Variants in PDZRN4 observed in about 807,000 individuals in gnomAD.
PDZRN4 encodes the protein PDZ domain containing ring finger 4, also known as PDZ domain-containing RING finger protein 4.
A neutral mutation model predicts 99.0 loss-of-function variants in PDZRN4; 70 were observed. The observed-to-expected ratio is 0.71, with a 90% CI of 0.58 to 0.86. The LOEUF is 0.86. Ranked by LOEUF, PDZRN4 falls within the 40% of genes least tolerant of loss-of-function variation. The pLI, the probability that PDZRN4 is intolerant of heterozygous loss-of-function variation, is 0.00. For missense variants in PDZRN4, 1,474 were observed against 1,331.2 expected (o/e 1.11, Z -1.67); for synonymous variants, 551 against 501.6 (o/e 1.10, Z -1.32).
At chr12:41,556,912 G>A (rs1268321463) in intron 7 of PDZRN4, among the ~76,000 whole-genome samples, 1 of 152,110 alleles carries the variant, frequency 6.6e-6, no homozygotes, top group African/African-American at 2.4e-5. Flanking sequence ...CACTTTGGAA[G>A]GCCGAGGCAG....
chr12:41,341,309 C>T (rs981387156), intron 3 of PDZRN4, among the ~76,000 whole-genome samples: 2 of 151,772 alleles, frequency 1.3e-5, no homozygotes, highest in Non-Finnish European at 2.9e-5. Flanking sequence ...ACAAAGGTGC[C>T]TACTTTTACC....
chr12:41,367,310 G>A (rs141808125), intron 3 of PDZRN4, among the ~76,000 whole-genome samples: 89 of 152,162 alleles, frequency 5.8e-4, no homozygotes, highest in African/African-American at 2.1e-3. Flanking sequence ...AGGATTTTGA[G>A]ATCAGCCTGA....
rs533033257 is a variant in PDZRN4, at chr12:41,254,026, T to C, written c.843+59838T>C. 1.5e-3 allele frequency among the ~76,000 whole-genome samples: 58 copies of C among 37,662 alleles called. 1 individual carries two copies. In the East Asian group the frequency reaches 0.028, roughly 18 times the overall value. The allele number at this position is 37,662 out of a possible 152,430, so 24.7% of individuals were successfully genotyped here. On this transcript the variant is annotated intron_variant, in intron 3 of 9. Transcript: ENST00000402685. ...AGATAAAAGGAAATATATATATATATGTGTGTGCGTGTGTGTGTGTGTGTG... is the reference window on the plus strand; with the variant it reads ...AGATAAAAGGAAATATATATATATACGTGTGTGCGTGTGTGTGTGTGTGTG...
At chr12:41,297,580 G>A (rs997151792) in intron 3 of PDZRN4, among the ~76,000 whole-genome samples, 16 of 152,240 alleles carry the variant, frequency 1.1e-4, no homozygotes, top group African/African-American at 3.9e-4. Context: ...GTGCTGGCTG[G>A]CCTAAAAGGT....
intron 3 of PDZRN4, chr12:41,460,015 T>G: frequency 7.8e-7 from 1 of 1,288,496 alleles, no homozygotes; most frequent in Non-Finnish European, 1.0e-6. Context: ...CCCAACCTGA[T>G]GGAGAGTATG....
At chr12:41,535,338 T>C (rs566802617) in intron 5 of PDZRN4, among the ~76,000 whole-genome samples, 78 of 152,346 alleles carry the variant, frequency 5.1e-4, no homozygotes, top group African/African-American at 1.9e-3. Flanking sequence ...AGTGTGTTTG[T>C]TTCTGCCAGA....
intron 3 of PDZRN4, among the ~76,000 whole-genome samples, chr12:41,276,870 A>G (rs1402386181): frequency 6.6e-6 from 1 of 152,210 alleles, no homozygotes; most frequent in East Asian, 1.9e-4. Flanking sequence ...CAGAGTCAGC[A>G]GTATTTACCA....
intron 3 of PDZRN4, among the ~76,000 whole-genome samples, chr12:41,500,770 T>G (rs1472441806): frequency 6.6e-6 from 1 of 152,164 alleles, no homozygotes; most frequent in African/African-American, 2.4e-5. Flanking sequence ...TGAAATTTCT[T>G]AAAATTAATT....
intron 3 of PDZRN4, among the ~76,000 whole-genome samples, chr12:41,458,262 A>G (rs1312797713): frequency 6.6e-6 from 1 of 152,114 alleles, no homozygotes; most frequent in Non-Finnish European, 1.5e-5. Flanking sequence ...GGTTCAAGTG[A>G]TTCTCCTGTC....
intron 3 of PDZRN4, among the ~76,000 whole-genome samples, chr12:41,328,678 A>T (rs1342272503): frequency 6.6e-6 from 1 of 152,142 alleles, no homozygotes; most frequent in Non-Finnish European, 1.5e-5. Context: ...GCCCATCAGC[A>T]TGGAGGATGG....
Position 41,509,859 on chromosome 12 carries a change from G to A in PDZRN4, c.1149G>A (p.Glu383=). The A allele has an allele frequency of 6.2e-7, 1 of 1,604,272 alleles. No homozygotes were observed. The highest frequency in any genetic ancestry group is 8.5e-7 in the Non-Finnish European group (1 of 1,174,080). ...PMEHEFYEDN[E]YISSLPADAD... ...AGCATGAATTTTATGAGGACAATGA[G>A]TATATTTCCAGCTTGCCTGCTGATG... is the stretch of plus-strand genomic sequence containing the variant. Residue 383 remains glutamate, a synonymous_variant, in exon 5 of 10, where the codon GAG becomes GAA. Transcript: ENST00000402685.
chr12:41,481,704 T>C (rs1426639416), intron 3 of PDZRN4, among the ~76,000 whole-genome samples: 1 of 152,182 alleles, frequency 6.6e-6, no homozygotes, highest in Non-Finnish European at 1.5e-5. Flanking sequence ...CCACACTGAT[T>C]GTTTGCACTA....
chr12:41,386,537 G>A (rs1015814378), intron 3 of PDZRN4, among the ~76,000 whole-genome samples: 5 of 152,012 alleles, frequency 3.3e-5, no homozygotes, highest in African/African-American at 7.3e-5. Flanking sequence ...TTGTTATAAC[G>A]GCCACACTTC....
rs540010603 is a variant in PDZRN4 at position 41,437,493 on chromosome 12, G to A, written c.844-68963G>A. Among the ~76,000 whole-genome samples, 8 of 152,160 alleles carry A rather than the reference G, an allele frequency of 5.3e-5. No homozygotes were observed. In the South Asian group the frequency reaches 1.0e-3, roughly 20 times the overall value. ...GCAACCCCTCTATCCTTAATAAACA[G>A]AGATGGTATTGACACAAGTGAATTT... On this transcript the variant is annotated intron_variant, in intron 3 of 9. Coordinates refer to ENST00000402685, the MANE Select transcript of PDZRN4 (RefSeq NM_001164595.2).
chr12:41,454,293 G>A (rs1302551931), intron 3 of PDZRN4, among the ~76,000 whole-genome samples: 2 of 152,150 alleles, frequency 1.3e-5, no homozygotes, highest in Non-Finnish European at 2.9e-5. Context: ...GAAAAATAAA[G>A]CCTGCCCACT....
At chr12:41,480,666 G>A (rs1365442175) in intron 3 of PDZRN4, among the ~76,000 whole-genome samples, 1 of 152,004 alleles carries the variant, frequency 6.6e-6, no homozygotes, top group Non-Finnish European at 1.5e-5. Flanking sequence ...GTTACCAAAT[G>A]CAGATTTTCA....
chr12:41,568,019 A>C, intron 9 of PDZRN4, 120 bp downstream of exon 9: 1 of 613,908 alleles, frequency 1.6e-6, no homozygotes. Flanking sequence ...CTATCATGGT[A>C]ATTTTTTAGA....
chr12:41,306,016 G>A (rs1951567147), intron 3 of PDZRN4, among the ~76,000 whole-genome samples: 1 of 152,176 alleles, frequency 6.6e-6, no homozygotes, highest in Non-Finnish European at 1.5e-5. Context: ...GACAGGCATA[G>A]TACAGGCATT....
chr12:41,223,778 G>A (rs1455649489), intron 3 of PDZRN4, among the ~76,000 whole-genome samples: 1 of 152,170 alleles, frequency 6.6e-6, no homozygotes, highest in Non-Finnish European at 1.5e-5. Flanking sequence ...ATGGCACTGG[G>A]CGATGGCCAG....
Sources: gnomAD v4.1 joint callset for allele counts (sites outside exome capture counted in the v4.1 genomes callset) on GRCh38, gnomAD v4.1.1 for gene constraint, MANE v1.5 for transcripts, NCBI Gene and HGNC (gene_info 2026-07-23, HGNC 2026-07-21) for gene names.